ERC1: variants seen among roughly 807,000 people sequenced by gnomAD.
ERC1 encodes the protein ELKS/RAB6-interacting/CAST family member 1.
ERC1 carries 56 observed loss-of-function variants against 132.0 expected under a neutral mutation model. That is an observed-to-expected ratio of 0.42 (90% confidence interval 0.34 to 0.53). ERC1 has a LOEUF of 0.53. Among genes scored for constraint, ERC1 ranks in the 20% least tolerant of loss-of-function variants. ERC1 has a pLI of 0.03. For synonymous variants in ERC1, 478 were observed against 476.1 expected, an observed-to-expected ratio of 1.00 and a Z score of -0.05; for missense variants, 1,202 against 1,349.9, an observed-to-expected ratio of 0.89 and a Z score of 1.72.
chr12:1,494,998 G>C lies in ERC1; in HGVS notation c.*4768G>C, dbSNP rs528126575. 4 of 230,066 alleles carry C rather than the reference G, an allele frequency of 1.7e-5. No individual in the cohort carries two copies. The East Asian group carries it at 1.9e-4, about 11-fold the overall frequency. 14.3% of individuals were successfully genotyped at this position (230,066 alleles called of 1,614,324 possible). A position where few individuals can be genotyped will look rare whatever the true frequency, so the allele number is the denominator to read the frequency against. ...GAGACACCTGCCGAGCAAAAGGAAC[G>C]AGAATCTGGGGCTCAGAGCCTCGCA... On this transcript the variant is annotated 3_prime_UTR_variant, in exon 19 of 19. Transcript: ENST00000360905.
intron 2 of ERC1, among the ~76,000 whole-genome samples, chr12:1,057,445 ACTGT>A (rs1394992969): frequency 6.6e-6 from 1 of 152,064 alleles, no homozygotes; most frequent in Non-Finnish European, 1.5e-5. Flanking sequence ...TCTTTTGAGA[ACTGT>A]CTGTTTAAAA....
intron 15 of ERC1, among the ~76,000 whole-genome samples, chr12:1,369,060 A>T (rs1283396907): frequency 3.3e-5 from 5 of 152,112 alleles, no homozygotes; most frequent in African/African-American, 9.7e-5. Flanking sequence ...TTGCTTAGTA[A>T]AAAAAATAGC....
rs142519979 is a variant in ERC1, at chr12:1,151,470, A to G, written c.1737+9683A>G. ...TTTGATCTAAGAAAGACTCAATGCAAGAAATCCCTGTTATATTCCAGTGGA... is the reference window on the plus strand; with the variant it reads ...TTTGATCTAAGAAAGACTCAATGCAGGAAATCCCTGTTATATTCCAGTGGA... On this transcript the variant is annotated intron_variant, in intron 8 of 18. Transcript: ENST00000360905. 2.5e-3 allele frequency among the ~76,000 whole-genome samples: 380 copies of G among 152,358 alleles called. 2 individuals carry two copies. The highest frequency in any genetic ancestry group is 8.3e-3 in the African/African-American group (346 of 41,574).
At chr12:1,464,275 T>A (rs2093698313) in intron 18 of ERC1, among the ~76,000 whole-genome samples, 1 of 152,144 alleles carries the variant, frequency 6.6e-6, no homozygotes, top group Non-Finnish European at 1.5e-5. Context: ...AACATTATGA[T>A]ACAAAAGATT....
chr12:1,411,760 T>C (rs543417029), intron 17 of ERC1, among the ~76,000 whole-genome samples: 1 of 152,278 alleles, frequency 6.6e-6, no homozygotes, highest in African/African-American at 2.4e-5. Flanking sequence ...CATAGGAGCT[T>C]CTTAGCTTCC....
At chr12:1,325,058 G>GA (rs113579315) in intron 15 of ERC1, among the ~76,000 whole-genome samples, 3 of 151,934 alleles carry the variant, frequency 2.0e-5, no homozygotes, top group African/African-American at 4.8e-5. Flanking sequence ...ACTGTTTGTA[G>GA]AAAAAAAATG....
At position 1,083,595 on chromosome 12, in the gene ERC1, T is replaced by C; in HGVS notation, c.1086+15T>C. ...TGTTGAGAGAGGTATGTGACTACTT[T>C]TTTAGTTTTATGATTTGTTGGTTAT... On this transcript the variant is annotated intron_variant, in intron 3 of 18. Coordinates refer to ENST00000360905, the MANE Select transcript of ERC1 (RefSeq NM_178040.4). 6.4e-7 allele frequency: 1 copy of C among 1,556,726 alleles called. No homozygotes were observed. The highest frequency in any genetic ancestry group is 8.6e-7 in the Non-Finnish European group (1 of 1,156,502).
chr12:1,451,150 A>G (rs942299595), intron 18 of ERC1, among the ~76,000 whole-genome samples: 1 of 152,142 alleles, frequency 6.6e-6, no homozygotes, highest in Non-Finnish European at 1.5e-5. Context: ...CGATGCACAC[A>G]TTTTTTTATT....
At chr12:1,112,089 A>G in intron 5 of ERC1, 126 bp from the exon 6 acceptor site, 1 of 644,556 alleles carries the variant, frequency 1.6e-6, no homozygotes, top group Non-Finnish European at 2.8e-6. Flanking sequence ...AGAGGGAATG[A>G]GGGGAACAGA....
At chr12:1,093,573 A>C (rs956531740) in intron 3 of ERC1, among the ~76,000 whole-genome samples, 8 of 152,178 alleles carry the variant, frequency 5.3e-5, no homozygotes, top group African/African-American at 1.9e-4. Context: ...ATGTGCTCCT[A>C]CTTACTTAAA....
At chr12:1,018,207 A>G (rs935783732) in intron 1 of ERC1, among the ~76,000 whole-genome samples, 2 of 151,986 alleles carry the variant, frequency 1.3e-5, no homozygotes, top group African/African-American at 4.8e-5. Flanking sequence ...AATTTGTTTT[A>G]TTTATTTATT....
At chr12:1,487,372 A>ATTTTTTTTT (rs574707385) in intron 18 of ERC1, among the ~76,000 whole-genome samples, 4 of 57,920 alleles carry the variant, frequency 6.9e-5, no homozygotes, top group South Asian at 8.8e-4. Context: ...AAGCATCTAG[A>ATTTTTTTTT]TTTTTTTTTT....
chr12:1,279,386 T>G (rs1242774319), intron 14 of ERC1, among the ~76,000 whole-genome samples: 5 of 152,178 alleles, frequency 3.3e-5, no homozygotes, highest in Non-Finnish European at 7.3e-5. Context: ...TTTGTTGTTG[T>G]TATCTTAGTT....
At chr12:1,030,428 A>G (rs917163611) in intron 2 of ERC1, among the ~76,000 whole-genome samples, 2 of 152,188 alleles carry the variant, frequency 1.3e-5, no homozygotes, top group Non-Finnish European at 2.9e-5. Flanking sequence ...CCATAAGATT[A>G]CAATATAGTG....
At chr12:1,431,831 G>A (rs116019884) in intron 17 of ERC1, among the ~76,000 whole-genome samples, 93 of 152,200 alleles carry the variant, frequency 6.1e-4, no homozygotes, top group African/African-American at 2.2e-3. Context: ...TCTGAGATTG[G>A]TCTGTTATGG....
intron 7 of ERC1, among the ~76,000 whole-genome samples, chr12:1,127,454 C>T (rs958570637): frequency 1.3e-5 from 2 of 150,726 alleles, no homozygotes; most frequent in African/African-American, 4.9e-5. Flanking sequence ...GTACAAAAGT[C>T]AAAAGCAGTG....
At chr12:1,145,089 T>C (rs1363376293) in intron 8 of ERC1, among the ~76,000 whole-genome samples, 4 of 152,130 alleles carry the variant, frequency 2.6e-5, no homozygotes, top group South Asian at 4.2e-4. Context: ...CAATCTCGGC[T>C]CACTGCAACC....
intron 11 of ERC1, among the ~76,000 whole-genome samples, chr12:1,185,206 G>A (rs1249163220): frequency 1.3e-5 from 2 of 151,844 alleles, no homozygotes; most frequent in Non-Finnish European, 2.9e-5. Flanking sequence ...ACCACACCTG[G>A]CCTTTTGTTT....
intron 2 of ERC1, among the ~76,000 whole-genome samples, chr12:1,072,183 A>G (rs1940515276): frequency 6.6e-6 from 1 of 152,216 alleles, no homozygotes; most frequent in African/African-American, 2.4e-5. Flanking sequence ...TTGAATTGCA[A>G]ATATAACTTG....
Sources: gnomAD v4.1 joint callset for allele counts (sites outside exome capture counted in the v4.1 genomes callset) on GRCh38, gnomAD v4.1.1 for gene constraint, MANE v1.5 for transcripts, NCBI Gene and HGNC (gene_info 2026-07-23, HGNC 2026-07-21) for gene names.